The following PLEKHD1 variants were observed in gnomAD, a reference collection of about 807,000 sequenced individuals.
The protein encoded by PLEKHD1 is pleckstrin homology and coiled-coil domain containing D1.
In PLEKHD1, 51 loss-of-function variants were observed where a neutral mutation model predicts 69.2. The ratio of observed to expected loss-of-function variants is 0.74; its 90% CI spans 0.59 to 0.93. The LOEUF (loss-of-function observed/expected upper bound fraction) is 0.93. Among genes scored for constraint, PLEKHD1 ranks in the 40% least tolerant of loss-of-function variants. The pLI is 0.00. For synonymous variants in PLEKHD1, 236 were observed against 244.7 expected, an observed-to-expected ratio of 0.96 and a Z score of 0.33; for missense variants, 584 against 641.0, an observed-to-expected ratio of 0.91 and a Z score of 0.96.
chr14:69,499,389 T>C (rs959998518), intron 1 of PLEKHD1, among the ~76,000 whole-genome samples: 4 of 152,188 alleles, frequency 2.6e-5, no homozygotes, highest in African/African-American at 7.2e-5. Flanking sequence ...TCTCTGGGCT[T>C]TGAGCGCCAA....
At chr14:69,492,216 A>G (rs1044338004) in intron 1 of PLEKHD1, among the ~76,000 whole-genome samples, 2 of 152,108 alleles carry the variant, frequency 1.3e-5, no homozygotes, top group Admixed American at 1.3e-4. Context: ...TGAACACACT[A>G]TTCTTTGCCT....
chr14:69,518,757 T>C (rs1294971775), intron 6 of PLEKHD1, among the ~76,000 whole-genome samples: 1 of 152,104 alleles, frequency 6.6e-6, no homozygotes, highest in Non-Finnish European at 1.5e-5. Context: ...TAGTGTTGTT[T>C]TATGGCCTCA....
rs1883739607 is a variant in PLEKHD1 at position 69,529,349 on chromosome 14, T to C, written c.*930T>C. 1 of 152,228 alleles carries C rather than the reference T, an allele frequency of 6.6e-6. No homozygotes were observed. Among genetic ancestry groups the C allele is most frequent in the Non-Finnish European group, 1.5e-5 (1 of 68,120 alleles). The allele number at this position is 152,228 out of a possible 1,614,324, so 9.4% of individuals were successfully genotyped here. A position where few individuals can be genotyped will look rare whatever the true frequency, so the allele number is the denominator to read the frequency against. On this transcript the variant is annotated 3_prime_UTR_variant, in exon 13 of 13. Coordinates refer to ENST00000322564, the MANE Select transcript of PLEKHD1 (RefSeq NM_001161498.2). ...TGAAGTCAGGAGTTTGAGACCAGCCTGGCCAATACGGCAAAACCCTGTCTC... is the reference window on the plus strand; with the variant it reads ...TGAAGTCAGGAGTTTGAGACCAGCCCGGCCAATACGGCAAAACCCTGTCTC...
rs1594997096 is a variant in PLEKHD1 at position 69,528,917 on chromosome 14, C to G, written c.*498C>G. ...TTTCCCCAGGGTTTCCTAACCCTCC[C>G]TTTGCTTCTGACACTCAGCAAAATG... is the stretch of plus-strand genomic sequence containing the variant. On this transcript the variant is annotated 3_prime_UTR_variant, in exon 13 of 13. Coordinates refer to ENST00000322564, the MANE Select transcript of PLEKHD1 (RefSeq NM_001161498.2). 1 of 157,954 alleles carries G rather than the reference C, an allele frequency of 6.3e-6. No homozygotes were observed. The highest frequency in any genetic ancestry group is 1.4e-5 in the Non-Finnish European group (1 of 71,670). The allele number at this position is 157,954 out of a possible 1,614,324, so 9.8% of individuals were successfully genotyped here.
chr14:69,500,889 G>C lies in PLEKHD1; in HGVS notation c.352G>C (p.Ala118Pro), dbSNP rs1051102201. The C allele has an allele frequency of 1.3e-6, 2 of 1,551,696 alleles. No individual in the cohort carries two copies. Among genetic ancestry groups the C allele is most frequent in the Non-Finnish European group, 1.7e-6 (2 of 1,146,992 alleles). ...QDFHGNILLA[A>P]ESEFEQTQWL... is the part of the protein sequence containing the mutation. ...CTGGCAGGGGAACATCTTGCTTGCTGCTGAGTCGGAGTTTGAGCAGACCCA... is the reference window on the plus strand; with the variant it reads ...CTGGCAGGGGAACATCTTGCTTGCTCCTGAGTCGGAGTTTGAGCAGACCCA... The change falls in exon 4 of 13, where the codon GCT becomes CCT. Residue 118 changes from alanine to proline, a missense_variant. Ala to Pro is a conservative substitution (Grantham distance 27, BLOSUM62 -1). Coordinates refer to ENST00000322564, the MANE Select transcript of PLEKHD1 (RefSeq NM_001161498.2).
intron 6 of PLEKHD1, among the ~76,000 whole-genome samples, chr14:69,508,265 G>T (rs541655406): frequency 5.9e-5 from 9 of 152,170 alleles, no homozygotes; most frequent in South Asian, 4.1e-4. Context: ...AATTAGCCGG[G>T]GGTGGTGATG....
At position 69,527,070 on chromosome 14, in the gene PLEKHD1, A is replaced by T. The variant is rs570904980; in HGVS notation, c.1057-118A>T. ...TCAAAGGGTAAGACTCAGAAGCGGG[A>T]TGTGATAACTCCCATCCACGCCCAT... On this transcript the variant is annotated intron_variant, in intron 10 of 12. Transcript: ENST00000322564. 2.3e-6 allele frequency: 3 copies of T among 1,301,992 alleles called. No homozygotes were observed. In the East Asian group the frequency reaches 7.6e-5, roughly 33 times the overall value. The allele number at this position is 1,301,992 out of a possible 1,614,324, so 80.7% of individuals were successfully genotyped here.
upstream of PLEKHD1, among the ~76,000 whole-genome samples, chr14:69,483,783 C>T (rs992083239): frequency 1.3e-5 from 2 of 152,250 alleles, no homozygotes; most frequent in African/African-American, 4.8e-5. Flanking sequence ...GCTCACTGCG[C>T]GGTCTCCACG....
chr14:69,520,037 C>T (rs965941748), intron 6 of PLEKHD1, among the ~76,000 whole-genome samples: 5 of 151,748 alleles, frequency 3.3e-5, no homozygotes, highest in African/African-American at 4.8e-5. Context: ...TGTGATGGTG[C>T]GCGCCCGTAA....
the PLEKHD1 span, among the ~76,000 whole-genome samples, chr14:69,477,904 T>C: frequency 6.6e-6 from 1 of 152,214 alleles, no homozygotes; most frequent in South Asian, 2.1e-4. Context: ...TCTACCATTC[T>C]GGGGTCTGAC....
intron 8 of PLEKHD1, among the ~76,000 whole-genome samples, chr14:69,525,495 G>T (rs1348173102): frequency 2.6e-5 from 4 of 152,082 alleles, no homozygotes; most frequent in African/African-American, 9.7e-5. Flanking sequence ...GGTGGGGGGT[G>T]GTTTGGGGAC....
intron 1 of PLEKHD1, among the ~76,000 whole-genome samples, chr14:69,489,572 AAAAAAAAAAGG>A (rs1882728751): frequency 6.7e-6 from 1 of 149,494 alleles, no homozygotes; most frequent in African/African-American, 2.5e-5. Context: ...AAAAAAAAAA[AAAAAAAAAAGG>A]AAAAAAAAAG....
At chr14:69,479,090 A>G in the PLEKHD1 span, among the ~76,000 whole-genome samples, 1 of 152,346 alleles carries the variant, frequency 6.6e-6, no homozygotes, top group Admixed American at 6.5e-5. Context: ...CAATCATGGT[A>G]GAAGGTGAAA....
chr14:69,522,156 G>T (rs772246797), intron 6 of PLEKHD1, 127 bp from the exon 7 acceptor site: 1 of 815,994 alleles, frequency 1.2e-6, no homozygotes, highest in Non-Finnish European at 1.9e-6. Flanking sequence ...CTTAATTCCC[G>T]GTCTGGTGCA....
At chr14:69,498,663 T>C (rs76166611) in intron 1 of PLEKHD1, among the ~76,000 whole-genome samples, 2,355 of 61,762 alleles carry the variant, frequency 0.038, 54 homozygotes, top group African/African-American at 0.091. Flanking sequence ...CTTCTCTTCT[T>C]TGAGATGGAG....
At chr14:69,477,591 G>A in the PLEKHD1 span, among the ~76,000 whole-genome samples, 1 of 152,166 alleles carries the variant, frequency 6.6e-6, no homozygotes, top group Non-Finnish European at 1.5e-5. Context: ...GATACTATGG[G>A]GGTACAAGCA....
chr14:69,469,599 T>TG, the PLEKHD1 span, among the ~76,000 whole-genome samples: 2 of 152,140 alleles, frequency 1.3e-5, no homozygotes, highest in South Asian at 4.2e-4. Context: ...TTTGTGTAGA[T>TG]GGGGGTCTCA....
At chr14:69,489,474 G>A (rs1014127505) in intron 1 of PLEKHD1, among the ~76,000 whole-genome samples, 4 of 137,448 alleles carry the variant, frequency 2.9e-5, no homozygotes, top group African/African-American at 1.1e-4. Context: ...CAGGAGAATC[G>A]CTCGAACCTA....
chr14:69,493,176 G>T (rs760239627), intron 1 of PLEKHD1, among the ~76,000 whole-genome samples: 9 of 152,220 alleles, frequency 5.9e-5, no homozygotes, highest in Non-Finnish European at 1.0e-4. Context: ...CAGCATAGTA[G>T]CTTGGTGTAC....
Sources: gnomAD v4.1 joint callset for allele counts (sites outside exome capture counted in the v4.1 genomes callset) on GRCh38, gnomAD v4.1.1 for gene constraint, MANE v1.5 for transcripts, NCBI Gene and HGNC (gene_info 2026-07-23, HGNC 2026-07-21) for gene names.